The following TMEM114 variants were observed in gnomAD, a reference collection of about 807,000 sequenced individuals.
TMEM114 encodes the protein claudin-26.
A neutral mutation model predicts 6.2 loss-of-function variants in TMEM114; 6 were observed. That is an observed-to-expected ratio of 0.97 (90% CI 0.53 to 1.91). The LOEUF (loss-of-function observed/expected upper bound fraction) is 1.91, where lower values mean the gene tolerates loss of function less well. Among genes scored for constraint, TMEM114 ranks in the 40% most tolerant of loss-of-function variants. TMEM114 has a pLI of 0.01. For missense variants in TMEM114, 218 were observed against 158.3 expected (o/e 1.38, Z -2.02); for synonymous variants, 104 against 73.0 (o/e 1.42, Z -2.16).
the TMEM114 span, among the ~76,000 whole-genome samples, chr16:8,530,590 G>A: frequency 6.6e-6 from 1 of 151,920 alleles, no homozygotes; most frequent in African/African-American, 2.4e-5. Context: ...GAGAAAGAAA[G>A]CAGGAAGGAA....
chr16:8,575,261 G>T (rs954833786), intron 2 of TMEM114, among the ~76,000 whole-genome samples: 3 of 152,214 alleles, frequency 2.0e-5, no homozygotes, highest in African/African-American at 7.2e-5. Context: ...CCTGCCCACT[G>T]ATCTAGAACT....
rs28972686 is a variant in TMEM114 at position 8,563,004 on chromosome 16, G to C, written n.213-25178C>G. Reference sequence around the variant, plus strand: ...AGGGAAGGAGTGAGTGAATGAGTGAGTGAATGAATGAGTGAGTGAGGGAAT... The same window carrying C: ...AGGGAAGGAGTGAGTGAATGAGTGACTGAATGAATGAGTGAGTGAGGGAAT... On this transcript the variant is annotated intron_variant and non_coding_transcript_variant, in intron 2 of 2. Transcript: ENST00000623677. Among the ~76,000 whole-genome samples, 11 of 143,918 alleles carry C rather than the reference G, an allele frequency of 7.6e-5. No homozygotes were observed. In the South Asian group the frequency reaches 1.1e-3, roughly 15 times the overall value. 94.4% of individuals were successfully genotyped at this position (143,918 alleles called of 152,430 possible).
At chr16:8,535,185 C>A (rs572920404), downstream of TMEM114, among the ~76,000 whole-genome samples, 1 of 152,218 alleles carries the variant, frequency 6.6e-6, no homozygotes, top group South Asian at 2.1e-4. Flanking sequence ...ACTTCATAAG[C>A]CTTGTTTTGA....
rs1215821029 is a variant in TMEM114 at position 8,563,683 on chromosome 16, A to AAGTGAATGAGTGAGTT, written n.212+25514_212+25529dup. The stretch of plus-strand genomic sequence containing the variant: ...TGAGCGAATAAGTAAGTGAATGAGT[A>AAGTGAATGAGTGAGTT]AGTGAATGAGTGAGTTAGTGAATGA... On this transcript the variant is annotated intron_variant and non_coding_transcript_variant, in intron 2 of 2. Transcript: ENST00000623677. 8.6e-5 allele frequency among the ~76,000 whole-genome samples: 11 copies of AAGTGAATGAGTGAGTT among 127,514 alleles called. No homozygotes were observed. In the East Asian group the frequency reaches 1.4e-3, roughly 16 times the overall value. 83.7% of individuals were successfully genotyped at this position (127,514 alleles called of 152,430 possible).
At chr16:8,541,254 G>A (rs542727662) in intron 2 of TMEM114, among the ~76,000 whole-genome samples, 37 of 152,268 alleles carry the variant, frequency 2.4e-4, no homozygotes, top group African/African-American at 8.2e-4. Context: ...TACCAAGGAC[G>A]TGAACCACTT....
At chr16:8,582,182 G>A (rs538365342) in intron 2 of TMEM114, among the ~76,000 whole-genome samples, 96 of 152,290 alleles carry the variant, frequency 6.3e-4, no homozygotes, top group African/African-American at 2.1e-3. Flanking sequence ...CTTCCACCGC[G>A]GGCATGCTGT....
At chr16:8,532,995 T>C (rs1040200700), downstream of TMEM114, among the ~76,000 whole-genome samples, 1 of 152,166 alleles carries the variant, frequency 6.6e-6, no homozygotes, top group African/African-American at 2.4e-5. Context: ...ACTGACACTG[T>C]GATGAGCTAC....
At chr16:8,551,972 G>A (rs1264056163) in intron 2 of TMEM114, among the ~76,000 whole-genome samples, 2 of 152,190 alleles carry the variant, frequency 1.3e-5, no homozygotes, top group South Asian at 4.1e-4. Flanking sequence ...GTGAAGAAAA[G>A]CCAGTCTCCA....
the TMEM114 span, among the ~76,000 whole-genome samples, chr16:8,527,311 G>A: frequency 5.3e-5 from 8 of 152,196 alleles, no homozygotes; most frequent in Non-Finnish European, 1.0e-4. Flanking sequence ...CCAGGGAAGG[G>A]AGACAGCAGG....
the TMEM114 span, among the ~76,000 whole-genome samples, chr16:8,531,418 G>A: frequency 7.2e-5 from 11 of 152,164 alleles, no homozygotes; most frequent in Non-Finnish European, 1.6e-4. Context: ...TGTTTCAGCT[G>A]GGAAATCAAG....
intron 2 of TMEM114, among the ~76,000 whole-genome samples, chr16:8,586,053 C>T (rs1441837095): frequency 6.6e-6 from 1 of 152,168 alleles, no homozygotes; most frequent in African/African-American, 2.4e-5. Context: ...GAAGCCAGCC[C>T]AGTGCCTATT....
chr16:8,530,451 G>C, the TMEM114 span, among the ~76,000 whole-genome samples: 6 of 152,290 alleles, frequency 3.9e-5, no homozygotes, highest in South Asian at 2.1e-4. Flanking sequence ...TCTAATCTGG[G>C]AAGGACTAGA....
rs536448858 is a variant in TMEM114, at chr16:8,569,775, A to C, written c.670T>G (p.Ter224GlyextTer58). Residue 224 changes from the stop codon to glycine, a stop_lost, in exon 4 of 4, where the codon TGA (stop) becomes GGA (glycine). Coordinates refer to ENST00000620492, the MANE Select transcript of TMEM114 (RefSeq NM_001146336.2). ...SLRRRQDQAI[*>G] ...CCTCCACGACCCAGCGCCCAGGCTCATATGGCCTGGTCCTGCCTCCGTCTC... is the reference window on the plus strand; with the variant it reads ...CCTCCACGACCCAGCGCCCAGGCTCCTATGGCCTGGTCCTGCCTCCGTCTC... 156 of 1,549,650 alleles carry C rather than the reference A, an allele frequency of 1.0e-4. No homozygotes were observed. Among genetic ancestry groups the C allele is most frequent in the Admixed American group, 1.4e-4 (7 of 50,962 alleles).
intron 2 of TMEM114, among the ~76,000 whole-genome samples, chr16:8,580,689 T>A (rs1323212919): frequency 6.6e-6 from 1 of 152,022 alleles, no homozygotes; most frequent in Non-Finnish European, 1.5e-5. Flanking sequence ...TTGATTATAC[T>A]TTTTTTGTTG....
chr16:8,560,438 G>A (rs1025505473), intron 2 of TMEM114, among the ~76,000 whole-genome samples: 2 of 152,132 alleles, frequency 1.3e-5, no homozygotes, highest in Non-Finnish European at 2.9e-5. Context: ...AATCTCTAAA[G>A]TGCTTGGCCA....
chr16:8,587,241 T>C (rs2141703700), intron 2 of TMEM114, among the ~76,000 whole-genome samples: 1 of 152,308 alleles, frequency 6.6e-6, no homozygotes, highest in African/African-American at 2.4e-5. Context: ...TAAATACATA[T>C]ATTGAGCTCC....
At chr16:8,548,586 C>T (rs1346256578) in intron 2 of TMEM114, among the ~76,000 whole-genome samples, 1 of 151,964 alleles carries the variant, frequency 6.6e-6, no homozygotes, top group African/African-American at 2.4e-5. Context: ...TTGTAGTATC[C>T]TAGACCTTTT....
chr16:8,538,695 A>T (rs796687231), intron 2 of TMEM114, among the ~76,000 whole-genome samples: 4 of 152,066 alleles, frequency 2.6e-5, no homozygotes, highest in African/African-American at 9.6e-5. Context: ...TTTAGTAGAG[A>T]TGGGGTTTCA....
chr16:8,534,998 T>A (rs1426980884), downstream of TMEM114, among the ~76,000 whole-genome samples: 1 of 152,178 alleles, frequency 6.6e-6, no homozygotes, highest in Non-Finnish European at 1.5e-5. Flanking sequence ...GTGACTGACT[T>A]TCTCCTAACG....
Sources: gnomAD v4.1 joint callset for allele counts (sites outside exome capture counted in the v4.1 genomes callset) on GRCh38, gnomAD v4.1.1 for gene constraint, MANE v1.5 for transcripts, NCBI Gene and HGNC (gene_info 2026-07-23, HGNC 2026-07-21) for gene names.